The following VNN1 variants were observed in gnomAD, a reference collection of about 807,000 sequenced individuals.
VNN1 encodes the protein pantetheinase.
VNN1 carries 29 observed loss-of-function variants against 41.9 expected under a neutral mutation model. The observed-to-expected ratio is 0.69, with a 90% CI of 0.52 to 0.94. The LOEUF is 0.94. Among genes scored for constraint, VNN1 ranks in the 40% least tolerant of loss-of-function variants. The pLI, the probability that VNN1 is intolerant of heterozygous loss-of-function variation, is 0.00. For synonymous variants in VNN1, 233 were observed against 224.4 expected (o/e 1.04, Z -0.34); for missense variants, 637 against 621.1 (o/e 1.03, Z -0.27).
chr6:132,699,861 C>T (rs561372069), intron 2 of VNN1, among the ~76,000 whole-genome samples: 10 of 152,326 alleles, frequency 6.6e-5, no homozygotes, highest in South Asian at 2.1e-4. Context: ...TATAACACCT[C>T]AATAGTAAGG....
intron 5 of VNN1, among the ~76,000 whole-genome samples, chr6:132,686,641 T>C (rs1778213593): frequency 6.6e-6 from 1 of 152,220 alleles, no homozygotes; most frequent in African/African-American, 2.4e-5. Flanking sequence ...GATCATTCTA[T>C]CATGAAGCTC....
At chr6:132,696,174 A>G (rs1246912446) in intron 2 of VNN1, among the ~76,000 whole-genome samples, 1 of 152,160 alleles carries the variant, frequency 6.6e-6, no homozygotes, top group Admixed American at 6.5e-5. Flanking sequence ...TGGAGCTGAA[A>G]ATTACAATAA....
At chr6:132,690,415 C>T (rs1778265701) in intron 5 of VNN1, among the ~76,000 whole-genome samples, 1 of 152,176 alleles carries the variant, frequency 6.6e-6, no homozygotes, top group African/African-American at 2.4e-5. Flanking sequence ...CATCCACACC[C>T]TTGTTCATGC....
chr6:132,698,252 G>T (rs1778400059), intron 2 of VNN1, among the ~76,000 whole-genome samples: 1 of 152,168 alleles, frequency 6.6e-6, no homozygotes, highest in Non-Finnish European at 1.5e-5. Flanking sequence ...ATTTTCTAAG[G>T]CTGCTTTCAA....
At chr6:132,709,968 A>C (rs186441095) in intron 2 of VNN1, among the ~76,000 whole-genome samples, 77 of 152,352 alleles carry the variant, frequency 5.1e-4, no homozygotes, top group African/African-American at 9.6e-4. Flanking sequence ...AGAGTAAATG[A>C]TTATGATAAA....
chr6:132,698,042 A>C (rs1778396715), intron 2 of VNN1, among the ~76,000 whole-genome samples: 1 of 152,200 alleles, frequency 6.6e-6, no homozygotes, highest in African/African-American at 2.4e-5. Context: ...TTCAAGCTAC[A>C]TTTCTCAGGC....
In VNN1 at chr6:132,684,487, A is replaced by G. The variant is rs1462756023; in HGVS notation, c.1207T>C (p.Cys403Arg). Residue 403 changes from cysteine (C) to arginine (R), a missense_variant, in exon 6 of 7, where the codon TGT becomes CGT. Transcript: ENST00000367928. ...CAAGTGTTTAAATTAGTCGTTTTACATTTCAACAGGGTACAAATCTAGGGA... is the reference window on the plus strand; with the variant it reads ...CAAGTGTTTAAATTAGTCGTTTTACGTTTCAACAGGGTACAAATCTAGGGA... ...YYLQICTLLK[C>R]KTTNLNTCGD... 1 of 1,614,072 alleles carries G rather than the reference A, an allele frequency of 6.2e-7. No individual in the cohort carries two copies.
intron 2 of VNN1, among the ~76,000 whole-genome samples, chr6:132,697,347 AG>A (rs1370230888): frequency 6.6e-6 from 1 of 152,152 alleles, no homozygotes; most frequent in Non-Finnish European, 1.5e-5. Context: ...GACTAAATGC[AG>A]GGGATTCATT....
At chr6:132,712,001 T>C (rs1315535550) in intron 1 of VNN1, among the ~76,000 whole-genome samples, 162 bp from the exon 2 acceptor site, 1 of 151,916 alleles carries the variant, frequency 6.6e-6, no homozygotes, top group African/African-American at 2.4e-5. Flanking sequence ...TTTAATTTCC[T>C]TTTTTTTCAG....
intron 2 of VNN1, among the ~76,000 whole-genome samples, chr6:132,703,479 G>A (rs1472568779): frequency 6.6e-6 from 1 of 152,138 alleles, no homozygotes; most frequent in Non-Finnish European, 1.5e-5. Flanking sequence ...TCAATGTTAA[G>A]TTGTCATCAC....
chr6:132,694,859 C>T lies in VNN1; in HGVS notation c.342-677G>A, dbSNP rs1200030531. Among the ~76,000 whole-genome samples the T allele has an allele frequency of 2.6e-5, 4 of 151,404 alleles. No individual in the cohort carries two copies. The East Asian group carries it at 7.8e-4, about 30-fold the overall frequency. ...CAGAGCAAAACCCTGTCTCAAAAAACAAATTTTGGGGGGCCAGGTGTGGTA... is the reference window on the plus strand; with the variant it reads ...CAGAGCAAAACCCTGTCTCAAAAAATAAATTTTGGGGGGCCAGGTGTGGTA... On this transcript the variant is annotated intron_variant, in intron 2 of 6. Transcript: ENST00000367928.
chr6:132,711,057 C>T, intron 2 of VNN1, among the ~76,000 whole-genome samples: 1 of 152,196 alleles, frequency 6.6e-6, no homozygotes, highest in Non-Finnish European at 1.5e-5. Context: ...TTTTAATGAT[C>T]ACCATTCTAA....
chr6:132,697,044 G>A (rs1477844719), intron 2 of VNN1, among the ~76,000 whole-genome samples: 2 of 152,224 alleles, frequency 1.3e-5, no homozygotes, highest in African/African-American at 4.8e-5. Flanking sequence ...GGTGGAGCTT[G>A]CAGTGAGCTG....
chr6:132,683,392 T>G, intron 6 of VNN1, 70 bp from the exon 7 acceptor site: 1 of 1,459,664 alleles, frequency 6.9e-7, no homozygotes, highest in South Asian at 1.3e-5. Flanking sequence ...CTTTTAAAAT[T>G]TACTATAACA....
intron 2 of VNN1, among the ~76,000 whole-genome samples, chr6:132,709,750 C>T (rs990847584): frequency 4.0e-5 from 6 of 151,852 alleles, no homozygotes; most frequent in African/African-American, 1.2e-4. Context: ...AATGGGCAAC[C>T]GTGTTCCTTG....
rs1187163407 is a variant in VNN1 at position 132,692,332 on chromosome 6, T to A, written c.1079A>T (p.Asp360Val). The change falls in exon 5 of 7, where the codon GAT becomes GTT. Residue 360 changes from aspartate to valine, a missense_variant. Coordinates refer to ENST00000367928, the MANE Select transcript of VNN1 (RefSeq NM_004666.3). Reference protein sequence around the residue: ...VAGNYTVCQKDLCCHLSYKMS... With the variant: ...VAGNYTVCQKVLCCHLSYKMS... ...TTTGTAGCTTAAATGACAGCAGAGATCTTTCTGACAAACTGTATAATTTCC... is the reference window on the plus strand; with the variant it reads ...TTTGTAGCTTAAATGACAGCAGAGAACTTTCTGACAAACTGTATAATTTCC... 4 of 1,614,200 alleles carry A rather than the reference T, an allele frequency of 2.5e-6. No individual in the cohort carries two copies. Among genetic ancestry groups the A allele is most frequent in the South Asian group, 2.2e-5 (2 of 91,086 alleles).
intron 2 of VNN1, among the ~76,000 whole-genome samples, chr6:132,704,723 T>C (rs984488355): frequency 6.6e-6 from 1 of 150,394 alleles, no homozygotes; most frequent in African/African-American, 2.4e-5. Flanking sequence ...CAGAAATAAA[T>C]GAAATTGAAA....
intron 2 of VNN1, among the ~76,000 whole-genome samples, chr6:132,700,138 C>T (rs538385258): frequency 6.6e-6 from 1 of 151,888 alleles, no homozygotes; most frequent in African/African-American, 2.4e-5. Context: ...GAATATTGTA[C>T]CTAAAGAAAA....
chr6:132,684,904 G>T (rs1778185766), intron 5 of VNN1, among the ~76,000 whole-genome samples: 1 of 152,206 alleles, frequency 6.6e-6, no homozygotes, highest in Non-Finnish European at 1.5e-5. Flanking sequence ...GCAATTCACT[G>T]TCAAAAAGAT....
Sources: gnomAD v4.1 joint callset for allele counts (sites outside exome capture counted in the v4.1 genomes callset) on GRCh38, gnomAD v4.1.1 for gene constraint, MANE v1.5 for transcripts, NCBI Gene and HGNC (gene_info 2026-07-23, HGNC 2026-07-21) for gene names.